Variants in CHP1 observed in about 807,000 individuals in gnomAD.
CHP1 encodes calcineurin like EF-hand protein 1.
Under a neutral mutation model 27.4 loss-of-function variants are expected in CHP1, and 11 were observed. The ratio of observed to expected loss-of-function variants is 0.40; its 90% CI spans 0.25 to 0.67. The LOEUF is 0.67. CHP1 is among the 30% of genes least tolerant of loss of function. CHP1 has a pLI of 0.38. For synonymous variants in CHP1, 89 were observed against 87.4 expected (o/e 1.02, Z -0.10); for missense variants, 169 against 251.3 (o/e 0.67, Z 2.22).
chr15:41,279,241 C>T (rs2047534204), intron 6 of CHP1, 95 bp from the exon 7 acceptor site: 1 of 1,016,354 alleles, frequency 9.8e-7, no homozygotes, highest in South Asian at 1.4e-5. Flanking sequence ...CGTTTTACTG[C>T]ACAGGAGGAA....
chr15:41,247,476 G>T (rs2047341252), intron 2 of CHP1, among the ~76,000 whole-genome samples: 1 of 148,858 alleles, frequency 6.7e-6, no homozygotes, highest in Non-Finnish European at 1.5e-5. Context: ...TCGAGACCAG[G>T]CTGGCCAACA....
chr15:41,253,645 G>A lies in CHP1; in HGVS notation c.141-3265G>A, dbSNP rs141366962. Among the ~76,000 whole-genome samples the A allele has an allele frequency of 4.7e-3, 717 of 151,280 alleles. 9 individuals are homozygous for A. Among genetic ancestry groups the A allele is most frequent in the African/African-American group, 0.017 (692 of 41,224 alleles). ...AATTTTTTGTTTTTTTAGTAGAGAC[G>A]GGGTTTCACCGTGTTAGCCAGGTTG... is the stretch of plus-strand genomic sequence containing the variant. On this transcript the variant is annotated intron_variant, in intron 2 of 6. Coordinates refer to ENST00000334660, the MANE Select transcript of CHP1 (RefSeq NM_007236.5).
intron 2 of CHP1, among the ~76,000 whole-genome samples, chr15:41,253,462 T>C (rs1021720775): frequency 2.0e-5 from 3 of 149,316 alleles, no homozygotes; most frequent in Non-Finnish European, 4.4e-5. Flanking sequence ...TATTTATTTA[T>C]TTATTTATTT....
intron 3 of CHP1, among the ~76,000 whole-genome samples, chr15:41,260,209 C>T (rs2047425671): frequency 6.6e-6 from 1 of 151,326 alleles, no homozygotes; most frequent in Non-Finnish European, 1.5e-5. Context: ...ACCAGGCCAT[C>T]TGCCTTAGAT....
At chr15:41,235,967 C>G (rs910208252) in intron 1 of CHP1, among the ~76,000 whole-genome samples, 2 of 151,964 alleles carry the variant, frequency 1.3e-5, no homozygotes, top group African/African-American at 4.8e-5. Flanking sequence ...TTGTAAAGCT[C>G]TGTACTTTTT....
chr15:41,260,439 G>C (rs1046674560), intron 3 of CHP1, among the ~76,000 whole-genome samples: 3 of 149,152 alleles, frequency 2.0e-5, no homozygotes, highest in African/African-American at 7.4e-5. Context: ...CTGTCACCCA[G>C]GCTGGAGTGC....
chr15:41,252,262 C>T (rs775365884), intron 2 of CHP1, among the ~76,000 whole-genome samples: 3 of 151,792 alleles, frequency 2.0e-5, no homozygotes, highest in Non-Finnish European at 4.4e-5. Flanking sequence ...CTCCGCCTCC[C>T]GGGTTCAAGC....
intron 4 of CHP1, chr15:41,264,203 G>A: frequency 2.3e-6 from 3 of 1,286,902 alleles, no homozygotes; most frequent in Non-Finnish European, 3.0e-6. Flanking sequence ...GATCGAGACT[G>A]AAATTGAGCA....
chr15:41,255,844 C>T (rs866793580), intron 2 of CHP1, among the ~76,000 whole-genome samples: 3 of 152,002 alleles, frequency 2.0e-5, no homozygotes, highest in Admixed American at 6.6e-5. Context: ...GGTGAAACTC[C>T]GTCTCTACTA....
chr15:41,255,526 G>C (rs2047395483), intron 2 of CHP1, among the ~76,000 whole-genome samples: 1 of 150,598 alleles, frequency 6.6e-6, no homozygotes, highest in African/African-American at 2.4e-5. Context: ...TACAAAAATT[G>C]GCCGGGCATG....
chr15:41,266,530 T>C (rs982042448), intron 4 of CHP1, among the ~76,000 whole-genome samples: 1 of 152,102 alleles, frequency 6.6e-6, no homozygotes, highest in Non-Finnish European at 1.5e-5. Flanking sequence ...CATTAGAATA[T>C]TTTTCTTGGG....
chr15:41,262,712 A>G (rs1389163303), intron 3 of CHP1, 44 bp from the exon 4 acceptor site: 4 of 1,604,830 alleles, frequency 2.5e-6, no homozygotes, highest in Non-Finnish European at 3.4e-6. Context: ...AGAAATAATC[A>G]CCGTGATTGA....
At chr15:41,233,300 T>C (rs2047261610) in intron 1 of CHP1, among the ~76,000 whole-genome samples, 1 of 152,074 alleles carries the variant, frequency 6.6e-6, no homozygotes, top group Non-Finnish European at 1.5e-5. Flanking sequence ...AGTCACATAA[T>C]GAGAAAGTGT....
intron 4 of CHP1, among the ~76,000 whole-genome samples, chr15:41,264,461 A>G (rs1045261078): frequency 2.6e-5 from 4 of 152,160 alleles, no homozygotes; most frequent in South Asian, 2.1e-4. Flanking sequence ...ATTTTTTGAG[A>G]TAGGGTCTCA....
chr15:41,261,181 GT>G (rs1208182510), intron 3 of CHP1, among the ~76,000 whole-genome samples: 2 of 137,478 alleles, frequency 1.5e-5, no homozygotes, highest in African/African-American at 5.5e-5. Flanking sequence ...TTTTGACATA[GT>G]CTTGCTGTGT....
At chr15:41,245,908 ATCT>A (rs976973088) in intron 2 of CHP1, among the ~76,000 whole-genome samples, 1 of 152,160 alleles carries the variant, frequency 6.6e-6, no homozygotes, top group Non-Finnish European at 1.5e-5. Flanking sequence ...CTTATCCTAT[ATCT>A]TCTTGTAAGG....
intron 4 of CHP1, among the ~76,000 whole-genome samples, chr15:41,266,317 T>C (rs1015589890): frequency 6.6e-6 from 1 of 151,888 alleles, no homozygotes; most frequent in Non-Finnish European, 1.5e-5. Flanking sequence ...ATAATAGTGC[T>C]TTGTGTAAAA....
intron 6 of CHP1, 85 bp from the exon 7 acceptor site, chr15:41,279,251 A>AG: frequency 9.1e-7 from 1 of 1,103,594 alleles, no homozygotes; most frequent in South Asian, 1.3e-5. Context: ...CACAGGAGGA[A>AG]GGGGGGAAAA....
chr15:41,241,135 G>A (rs551076405), intron 1 of CHP1, among the ~76,000 whole-genome samples: 2 of 152,324 alleles, frequency 1.3e-5, no homozygotes, highest in East Asian at 3.9e-4. Flanking sequence ...ACAGGCGTGA[G>A]CCACTGCGCC....
Sources: allele counts gnomAD v4.1 joint callset (sites outside exome capture counted in the v4.1 genomes callset), GRCh38; gene constraint gnomAD v4.1.1; transcripts MANE v1.5; gene names NCBI Gene and HGNC (gene_info 2026-07-23, HGNC 2026-07-21).